GVQW3: variants seen among roughly 807,000 people sequenced by gnomAD.
GVQW3 encodes the protein protein GVQW3.
GVQW3 carries 7 observed loss-of-function variants against 12.5 expected under a neutral mutation model. The ratio of observed to expected loss-of-function variants is 0.56; its 90% CI spans 0.32 to 1.05. GVQW3 has a LOEUF of 1.05. Among genes scored for constraint, GVQW3 ranks in the 50% least tolerant of loss-of-function variants. The pLI is 0.04. For missense variants in GVQW3, 188 were observed against 190.8 expected (o/e 0.99, Z 0.09); for synonymous variants, 71 against 67.2 (o/e 1.06, Z -0.28).
At chr11:76,398,507 T>C (rs1306928902) in intron 1 of GVQW3, among the ~76,000 whole-genome samples, 13 of 152,184 alleles carry the variant, frequency 8.5e-5, no homozygotes. Context: ...GAGACGGGGT[T>C]TTACCATGTT....
chr11:76,410,148 G>A (rs553016014), downstream of GVQW3, among the ~76,000 whole-genome samples: 82 of 152,286 alleles, frequency 5.4e-4, no homozygotes, highest in Admixed American at 1.4e-3. Flanking sequence ...CTAGCTAGTC[G>A]GGAGGCTGAG....
downstream of GVQW3, among the ~76,000 whole-genome samples, chr11:76,410,646 G>A (rs1231035317): frequency 6.6e-6 from 1 of 152,118 alleles, no homozygotes; most frequent in Non-Finnish European, 1.5e-5. Context: ...GAGGGGAGGC[G>A]CCTTCCCAGA....
chr11:76,391,744 A>G (rs1361961451), intron 1 of GVQW3, among the ~76,000 whole-genome samples: 1 of 152,122 alleles, frequency 6.6e-6, no homozygotes, highest in East Asian at 1.9e-4. Flanking sequence ...ACATGAGGTA[A>G]GGAGTTCGAG....
At chr11:76,411,702 A>G (rs1275316904), downstream of GVQW3, 1 of 152,168 alleles carries the variant, frequency 6.6e-6, no homozygotes, top group African/African-American at 2.4e-5. Context: ...TTTGGAGTCA[A>G]CAGATCTGTG....
chr11:76,399,237 T>G lies in GVQW3; in HGVS notation c.466-4423T>G, dbSNP rs562032418. ...TCACTGCAACCTCTACCTCCCAGGTTCAAGCGATTCTTCTGCCTCAGCCTC... is the reference window on the plus strand; with the variant it reads ...TCACTGCAACCTCTACCTCCCAGGTGCAAGCGATTCTTCTGCCTCAGCCTC... On this transcript the variant is annotated intron_variant, in intron 1 of 1. Transcript: ENST00000529331. Among the ~76,000 whole-genome samples the G allele has an allele frequency of 2.0e-5, 3 of 152,236 alleles. No homozygotes were observed. In the South Asian group the frequency reaches 6.2e-4, roughly 32 times the overall value.
chr11:76,400,049 A>ACACACACG (rs769822780), intron 1 of GVQW3, among the ~76,000 whole-genome samples: 141 of 147,750 alleles, frequency 9.5e-4, no homozygotes, highest in Non-Finnish European at 1.8e-3. Context: ...ACACACACAC[A>ACACACACG]CGGATCTTGT....
Position 76,381,582 on chromosome 11 carries a change from G to T in GVQW3, c.-247G>T, listed in dbSNP as rs879514738. The T allele has an allele frequency of 3.2e-4, 143 of 440,730 alleles. No homozygotes were observed. Among genetic ancestry groups the T allele is most frequent in the Non-Finnish European group, 2.0e-4 (50 of 248,058 alleles). The allele number at this position is 440,730 out of a possible 1,614,324, so 27.3% of individuals were successfully genotyped here. Reference sequence around the variant, plus strand: ...GTGCGTGCACTGGTTTGATGCAGACGTGGTTGTAGGCGATTTAATTTTTCC... The same window carrying T: ...GTGCGTGCACTGGTTTGATGCAGACTTGGTTGTAGGCGATTTAATTTTTCC... On this transcript the variant is annotated 5_prime_UTR_variant, in exon 1 of 2. Coordinates refer to ENST00000529331, the MANE Select transcript of GVQW3 (RefSeq NM_001347885.2).
chr11:76,382,054 C>T lies in GVQW3; in HGVS notation c.226C>T (p.Gln76Ter), dbSNP rs1186361164. The change falls in exon 1 of 2, where the codon CAG (glutamine) becomes TAG (stop). Residue 76 changes from glutamine to a stop codon, truncating the protein, a stop_gained. Transcript: ENST00000529331. LOFTEE classifies it high-confidence loss of function. ...PVTHRTDDNI[Q>*]KVKDLVCSNR... ...CACCCACCGAACAGATGACAATATC[C>T]AGAAGGTCAAGGACTTGGTTTGTTC... The T allele has an allele frequency of 1.3e-6, 2 of 1,536,562 alleles. No homozygotes were observed. Among genetic ancestry groups the T allele is most frequent in the African/African-American group, 1.4e-5 (1 of 73,168 alleles).
In GVQW3 at chr11:76,381,669, G is replaced by A. The variant is rs1053485154; in HGVS notation, c.-160G>A. 1 of 673,672 alleles carries A rather than the reference G, an allele frequency of 1.5e-6. No individual in the cohort carries two copies. 41.7% of individuals were successfully genotyped at this position (673,672 alleles called of 1,614,324 possible). A position where few individuals can be genotyped will look rare whatever the true frequency, so the allele number is the denominator to read the frequency against. On this transcript the variant is annotated 5_prime_UTR_variant, in exon 1 of 2. Transcript: ENST00000529331. Reference sequence around the variant, plus strand: ...CTCCCCAGCCTCGACTGGAAGCTGAGGGACAAAAATTCATAAAAGCAATTA... The same window carrying A: ...CTCCCCAGCCTCGACTGGAAGCTGAAGGACAAAAATTCATAAAAGCAATTA...
At chr11:76,398,051 C>G (rs989970227) in intron 1 of GVQW3, among the ~76,000 whole-genome samples, 1 of 150,248 alleles carries the variant, frequency 6.7e-6, no homozygotes, top group Non-Finnish European at 1.5e-5. Context: ...ACGAGAATCC[C>G]TTGAACCCAG....
At chr11:76,397,002 C>CTTTTTT (rs11401694) in intron 1 of GVQW3, among the ~76,000 whole-genome samples, 9 of 110,874 alleles carry the variant, frequency 8.1e-5, no homozygotes, top group Non-Finnish European at 1.2e-4. Context: ...TCATTTATTC[C>CTTTTTT]TTTTTTTTTT....
At position 76,382,071 on chromosome 11, in the gene GVQW3, G is replaced by A; in HGVS notation, c.243G>A (p.Leu81=). ...TDDNIQKVKD[L]VCSNRQLTVR... is the part of the protein sequence containing the mutation. The stretch of plus-strand genomic sequence containing the variant: ...ACAATATCCAGAAGGTCAAGGACTT[G>A]GTTTGTTCAAACAGGCAGTTAACCG... Residue 81 remains leucine (L), a synonymous_variant, in exon 1 of 2, where the codon TTG becomes TTA. Coordinates refer to ENST00000529331, the MANE Select transcript of GVQW3 (RefSeq NM_001347885.2). The A allele has an allele frequency of 6.5e-7, 1 of 1,536,566 alleles. No homozygotes were observed. Among genetic ancestry groups the A allele is most frequent in the Non-Finnish European group, 8.7e-7 (1 of 1,146,994 alleles).
At chr11:76,396,139 T>C (rs559397816) in intron 1 of GVQW3, among the ~76,000 whole-genome samples, 1 of 152,202 alleles carries the variant, frequency 6.6e-6, no homozygotes, top group Non-Finnish European at 1.5e-5. Flanking sequence ...CTGGGATATA[T>C]CTTCCTGGTG....
In GVQW3 at chr11:76,404,088, A is replaced by T. The variant is rs978407442; in HGVS notation, c.*330A>T. The stretch of plus-strand genomic sequence containing the variant: ...TACCCCATGATCCAGTCAAGTGAAC[A>T]TATAAAATTGGCTGTCACATCTCCA... On this transcript the variant is annotated 3_prime_UTR_variant, in exon 2 of 2. Coordinates refer to ENST00000529331, the MANE Select transcript of GVQW3 (RefSeq NM_001347885.2). The T allele has an allele frequency of 2.2e-6, 1 of 461,994 alleles. No homozygotes were observed. 28.6% of individuals were successfully genotyped at this position (461,994 alleles called of 1,614,324 possible).
At chr11:76,394,251 C>A (rs1946919814) in intron 1 of GVQW3, among the ~76,000 whole-genome samples, 1 of 152,124 alleles carries the variant, frequency 6.6e-6, no homozygotes, top group Non-Finnish European at 1.5e-5. Flanking sequence ...AGTCACCCTG[C>A]TGTGCTATCA....
chr11:76,396,855 T>C (rs1406081771), intron 1 of GVQW3, among the ~76,000 whole-genome samples: 1 of 152,182 alleles, frequency 6.6e-6, no homozygotes, highest in Non-Finnish European at 1.5e-5. Context: ...CAACCACTCA[T>C]ATACTTTCTG....
chr11:76,403,138 G>A (rs1947007504), intron 1 of GVQW3, among the ~76,000 whole-genome samples: 1 of 151,912 alleles, frequency 6.6e-6, no homozygotes, highest in African/African-American at 2.4e-5. Context: ...AGTAGAGACA[G>A]GGTTTCACCA....
intron 1 of GVQW3, chr11:76,389,663 C>T (rs1946872725): frequency 6.6e-6 from 1 of 152,208 alleles, no homozygotes; most frequent in African/African-American, 2.4e-5. Context: ...GATATGAATG[C>T]TCTCCTGGGT....
At chr11:76,394,195 C>T (rs1177405088) in intron 1 of GVQW3, among the ~76,000 whole-genome samples, 1 of 152,186 alleles carries the variant, frequency 6.6e-6, no homozygotes, top group Non-Finnish European at 1.5e-5. Flanking sequence ...CACGCCCAGC[C>T]TTCCTTTAGT....
Sources: gnomAD v4.1 joint callset for allele counts (sites outside exome capture counted in the v4.1 genomes callset) on GRCh38, gnomAD v4.1.1 for gene constraint, MANE v1.5 for transcripts, NCBI Gene and HGNC (gene_info 2026-07-23, HGNC 2026-07-21) for gene names.